The following PNPLA1 variants were observed in gnomAD, a reference collection of about 807,000 sequenced individuals.
The protein encoded by PNPLA1 is patatin like domain 1, omega-hydroxyceramide transacylase, also known as omega-hydroxyceramide transacylase.
Under a neutral mutation model 51.7 loss-of-function variants are expected in PNPLA1, and 36 were observed. The observed-to-expected ratio is 0.70, with a 90% CI of 0.53 to 0.92. The LOEUF is 0.92. Among genes scored for constraint, PNPLA1 ranks in the 40% least tolerant of loss-of-function variants. The probability of loss-of-function intolerance (pLI) is 0.00; values close to 1 mark genes in which losing one functional copy is unlikely to be tolerated. For synonymous variants in PNPLA1, 293 were observed against 280.1 expected (o/e 1.05, Z -0.46); for missense variants, 658 against 682.5 (o/e 0.96, Z 0.40).
At chr6:36,282,973 G>A (rs943828594) in intron 1 of PNPLA1, among the ~76,000 whole-genome samples, 26 of 152,088 alleles carry the variant, frequency 1.7e-4, no homozygotes, top group East Asian at 3.8e-4. Flanking sequence ...ATGAGCCACC[G>A]CACCTGACCT....
At chr6:36,304,402 A>C (rs1245232463) in intron 6 of PNPLA1, among the ~76,000 whole-genome samples, 1 of 152,102 alleles carries the variant, frequency 6.6e-6, no homozygotes, top group Admixed American at 6.6e-5. Flanking sequence ...GAGGCAGGCA[A>C]GTCACTTTCA....
Position 36,294,604 on chromosome 6 carries a change from A to G in PNPLA1, c.714+205A>G, listed in dbSNP as rs1244154432. Among the ~76,000 whole-genome samples the G allele has an allele frequency of 1.3e-5, 2 of 152,180 alleles. No homozygotes were observed. The highest frequency in any genetic ancestry group is 4.8e-5 in the African/African-American group (2 of 41,442). Reference sequence around the variant, plus strand: ...AGCGCCTCAAGCTCTCCCAGCTTCAACATTCTCCCCGGTAAAGCGAGATGA... The same window carrying G: ...AGCGCCTCAAGCTCTCCCAGCTTCAGCATTCTCCCCGGTAAAGCGAGATGA... On this transcript the variant is annotated intron_variant, in intron 4 of 8. Transcript: ENST00000636260. The surrounding 1 kb of genome is among the most constrained non-coding windows in gnomAD (Gnocchi z 4.2).
chr6:36,311,249 TG>T (rs1771402204), intron 8 of PNPLA1, among the ~76,000 whole-genome samples: 1 of 152,152 alleles, frequency 6.6e-6, no homozygotes, highest in South Asian at 2.1e-4. Context: ...TCTGTTAGCT[TG>T]GGGATCTCAG....
At chr6:36,300,514 G>A (rs905944175) in intron 5 of PNPLA1, among the ~76,000 whole-genome samples, 3 of 152,008 alleles carry the variant, frequency 2.0e-5, no homozygotes, top group Non-Finnish European at 4.4e-5. Context: ...GTTGACTATC[G>A]GTCAGGTATT....
chr6:36,248,414 C>T (rs1434458001), intron 1 of PNPLA1, among the ~76,000 whole-genome samples: 3 of 152,112 alleles, frequency 2.0e-5, no homozygotes. Flanking sequence ...ATTGCGTAAC[C>T]ACACACATTA....
intron 1 of PNPLA1, among the ~76,000 whole-genome samples, chr6:36,276,904 G>T (rs973699027): frequency 1.1e-4 from 16 of 152,146 alleles, no homozygotes; most frequent in African/African-American, 2.9e-4. Context: ...AAACTTAAAG[G>T]CACCTACCAA....
intron 8 of PNPLA1, among the ~76,000 whole-genome samples, chr6:36,309,458 C>T (rs1771339606): frequency 6.6e-6 from 1 of 152,092 alleles, no homozygotes; most frequent in South Asian, 2.1e-4. Flanking sequence ...GGGAGCCTCC[C>T]TGGGACTAGG....
intron 5 of PNPLA1, among the ~76,000 whole-genome samples, chr6:36,300,205 G>T (rs1236430295): frequency 1.3e-5 from 2 of 150,846 alleles, no homozygotes; most frequent in Non-Finnish European, 3.0e-5. Context: ...GAGAGAGAGA[G>T]AGAGAGAGAG....
intron 6 of PNPLA1, among the ~76,000 whole-genome samples, chr6:36,304,629 G>GA (rs539155104): frequency 0.022 from 1,545 of 71,696 alleles, 18 homozygotes; most frequent in African/African-American, 0.039. Context: ...TCCGTCTCAG[G>GA]AAAAAAAAAA....
intron 1 of PNPLA1, among the ~76,000 whole-genome samples, chr6:36,244,796 A>G (rs1210336720): frequency 1.3e-5 from 2 of 152,200 alleles, no homozygotes; most frequent in South Asian, 2.1e-4. Context: ...CTGTTGCCAA[A>G]CTTGGGTCTG....
Position 36,302,122 on chromosome 6 carries a change from C to T in PNPLA1, c.1037C>T (p.Pro346Leu). The T allele has an allele frequency of 6.2e-7, 1 of 1,614,220 alleles. No homozygotes were observed. The highest frequency in any genetic ancestry group is 8.5e-7 in the Non-Finnish European group (1 of 1,180,030). Residue 346 changes from proline to leucine, a missense_variant, in exon 6 of 9, where the codon CCA becomes CTA. Physicochemically the swap from Pro to Leu is moderately conservative, Grantham distance 98. Coordinates refer to ENST00000636260, the MANE Select transcript of PNPLA1 (RefSeq NM_001374623.1). ...ACATGCGAGTCACCTGTTTCAGCAC[C>T]AGTCTCTCCACTTGAGCAGCCACCT... is the stretch of plus-strand genomic sequence containing the variant. ...EFTCESPVSA[P>L]VSPLEQPPAQ...
rs34152288 is a variant in PNPLA1, at chr6:36,256,326, G to GA, written c.-81+13077dup. ...GGCAACATAGGAAGAACCTGTCTTA[G>GA]AAAAAAAAAAAATGTAGTCACATAC... On this transcript the variant is annotated intron_variant, in intron 1 of 7. Coordinates refer to the PNPLA1 transcript ENST00000312917. Among the ~76,000 whole-genome samples, 541 of 140,138 alleles carry GA rather than the reference G, an allele frequency of 3.9e-3. 3 individuals carry two copies. The East Asian group carries it at 0.041, about 11-fold the overall frequency. The allele number at this position is 140,138 out of a possible 152,430, so 91.9% of individuals were successfully genotyped here. A position where few individuals can be genotyped will look rare whatever the true frequency, so the allele number is the denominator to read the frequency against.
chr6:36,259,068 A>G (rs1769591520), intron 1 of PNPLA1, among the ~76,000 whole-genome samples: 1 of 152,126 alleles, frequency 6.6e-6, no homozygotes, highest in African/African-American at 2.4e-5. Flanking sequence ...CCAACTCATC[A>G]TTGTGTTGTG....
intron 1 of PNPLA1, among the ~76,000 whole-genome samples, chr6:36,258,661 C>A (rs1376030717): frequency 6.6e-6 from 1 of 152,110 alleles, no homozygotes; most frequent in Admixed American, 6.5e-5. Context: ...TCTTATGGAC[C>A]AGAATTGTTT....
chr6:36,251,902 A>G (rs1378893366), intron 1 of PNPLA1, among the ~76,000 whole-genome samples: 1 of 152,178 alleles, frequency 6.6e-6, no homozygotes, highest in African/African-American at 2.4e-5. Flanking sequence ...CTATGATGGC[A>G]CCACTGTACT....
At chr6:36,286,684 A>G (rs1770498227) in intron 1 of PNPLA1, among the ~76,000 whole-genome samples, 1 of 152,016 alleles carries the variant, frequency 6.6e-6, no homozygotes, top group Non-Finnish European at 1.5e-5. Flanking sequence ...ATCTTTTTAC[A>G]TTTTATTTTT....
In PNPLA1 at chr6:36,270,298, C is replaced by T; in HGVS notation, c.-162C>T. 6.6e-6 allele frequency among the ~76,000 whole-genome samples: 1 copy of T among 152,258 alleles called. No homozygotes were observed. The highest frequency in any genetic ancestry group is 1.5e-5 in the Non-Finnish European group (1 of 68,042). ...TAACAGGCTGAGGCAGCTTCCTGAG[C>T]AGCCTGTGGTTGCTCCAGCCGGGTA... On this transcript the variant is annotated 5_prime_UTR_variant, in exon 1 of 9. Coordinates refer to ENST00000636260, the MANE Select transcript of PNPLA1 (RefSeq NM_001374623.1).
At chr6:36,260,118 C>T (rs544197643) in intron 1 of PNPLA1, among the ~76,000 whole-genome samples, 38 of 151,982 alleles carry the variant, frequency 2.5e-4, no homozygotes, top group Non-Finnish European at 5.4e-4. Flanking sequence ...CACAGTGAGA[C>T]CCCATCTCTA....
chr6:36,266,622 A>T (rs891781084), upstream of PNPLA1, among the ~76,000 whole-genome samples: 1 of 152,196 alleles, frequency 6.6e-6, no homozygotes, highest in East Asian at 1.9e-4. Flanking sequence ...GAAACCAAGG[A>T]CCAGGCCTTT....
Sources: allele counts gnomAD v4.1 joint callset (sites outside exome capture counted in the v4.1 genomes callset), GRCh38; gene constraint gnomAD v4.1.1; non-coding constraint Gnocchi (gnomAD v3.1); transcripts MANE v1.5; gene names NCBI Gene and HGNC (gene_info 2026-07-23, HGNC 2026-07-21).